Variants in INPP5D observed in about 807,000 individuals in gnomAD.
The protein encoded by INPP5D is inositol polyphosphate-5-phosphatase D, also known as phosphatidylinositol 3,4,5-trisphosphate 5-phosphatase 1.
Under a neutral mutation model 122.9 loss-of-function variants are expected in INPP5D, and 33 were observed. The observed-to-expected ratio is 0.27, with a 90% CI of 0.20 to 0.36. The LOEUF (loss-of-function observed/expected upper bound fraction) is 0.36. Ranked by LOEUF, INPP5D falls within the 10% of genes least tolerant of loss-of-function variation. INPP5D has a pLI of 1.00. For missense variants in INPP5D, 1,053 were observed against 1,412.7 expected, an observed-to-expected ratio of 0.75 and a Z score of 4.08; for synonymous variants, 584 against 576.2, an observed-to-expected ratio of 1.01 and a Z score of -0.19.
intron 2 of INPP5D, among the ~76,000 whole-genome samples, chr2:233,084,219 A>G (rs1359044832): frequency 1.3e-5 from 2 of 152,086 alleles, no homozygotes; most frequent in Admixed American, 6.5e-5. Context: ...ATGCCCAGCT[A>G]AATTTTGTAT....
Position 233,126,024 on chromosome 2 carries a change from G to A in INPP5D, c.524+105G>A. 5 of 1,120,828 alleles carry A rather than the reference G, an allele frequency of 4.5e-6. No homozygotes were observed. The South Asian group carries it at 4.7e-5, about 11-fold the overall frequency. 69.4% of individuals were successfully genotyped at this position (1,120,828 alleles called of 1,614,324 possible). A position where few individuals can be genotyped will look rare whatever the true frequency, so the allele number is the denominator to read the frequency against. ...ATCCTAGTTATGGGCCTGGTGACCA[G>A]AGGGAGATGGGGAGGTCTCCAGAGA... On this transcript the variant is annotated intron_variant, in intron 4 of 26. Transcript: ENST00000445964.
At chr2:233,114,605 C>T (rs952353458) in intron 2 of INPP5D, among the ~76,000 whole-genome samples, 1 of 152,166 alleles carries the variant, frequency 6.6e-6, no homozygotes, top group Non-Finnish European at 1.5e-5. Flanking sequence ...AGCCTTGGGA[C>T]GTGTGGATGC....
intron 5 of INPP5D, among the ~76,000 whole-genome samples, chr2:233,135,580 C>T (rs11684313): frequency 0.47 from 71,277 of 150,674 alleles, 17,281 homozygotes; most frequent in African/African-American, 0.55. Context: ...AAATTGTCGA[C>T]ATTTAAAATG....
intron 2 of INPP5D, among the ~76,000 whole-genome samples, chr2:233,102,502 A>G (rs1303923557): frequency 1.3e-5 from 2 of 152,242 alleles, no homozygotes; most frequent in African/African-American, 4.8e-5. Context: ...AATTCAGCTC[A>G]AATCAGAGAA....
At position 233,182,456 on chromosome 2, in the gene INPP5D, C is replaced by T. The variant is rs1694809337; in HGVS notation, c.2118C>T (p.Ala706=). ...CGAGTGACCACAGCCCTGTCTTTGC[C>T]ACATTTGAGGCAGGAGTCACTTCCC... The part of the protein sequence containing the change: ...IMTSDHSPVF[A]TFEAGVTSQF... The change falls in exon 19 of 27, where the codon GCC becomes GCT. Residue 706 remains alanine (A), a synonymous_variant. Coordinates refer to ENST00000445964, the MANE Select transcript of INPP5D (RefSeq NM_001017915.3). The T allele has an allele frequency of 6.2e-7, 1 of 1,613,750 alleles. No individual in the cohort carries two copies. The highest frequency in any genetic ancestry group is 8.5e-7 in the Non-Finnish European group (1 of 1,179,746).
At chr2:233,070,721 G>A (rs527407593) in intron 1 of INPP5D, among the ~76,000 whole-genome samples, 9 of 152,208 alleles carry the variant, frequency 5.9e-5, no homozygotes, top group African/African-American at 1.2e-4. Flanking sequence ...GATTACAGGC[G>A]TGAGCCACCG....
At chr2:233,121,079 G>A (rs1692955686) in intron 2 of INPP5D, among the ~76,000 whole-genome samples, 1 of 150,218 alleles carries the variant, frequency 6.7e-6, no homozygotes, top group African/African-American at 2.4e-5. Flanking sequence ...GTATCTTGGG[G>A]TTGTGGGATT....
Position 233,197,390 on chromosome 2 carries a change from A to G in INPP5D, c.2694-705A>G, listed in dbSNP as rs1559347018. Among the ~76,000 whole-genome samples, 1 of 152,040 alleles carries G rather than the reference A, an allele frequency of 6.6e-6. No homozygotes were observed. The highest frequency in any genetic ancestry group is 1.5e-5 in the Non-Finnish European group (1 of 67,988). On this transcript the variant is annotated intron_variant, in intron 24 of 26. Coordinates refer to ENST00000445964, the MANE Select transcript of INPP5D (RefSeq NM_001017915.3). This position sits in a 1 kb window ranked among gnomAD's most constrained non-coding sequence, Gnocchi z 4.4. ...TCTCTATGCTGACGCTGCACACACAAATGTGTGAGCTGATGTGTTCCAGAG... is the reference window on the plus strand; with the variant it reads ...TCTCTATGCTGACGCTGCACACACAGATGTGTGAGCTGATGTGTTCCAGAG...
intron 2 of INPP5D, among the ~76,000 whole-genome samples, chr2:233,113,962 G>C (rs1044387603): frequency 2.1e-5 from 3 of 142,724 alleles, no homozygotes; most frequent in Non-Finnish European, 3.0e-5. Flanking sequence ...GCTGGATGGA[G>C]TGCAGTGGCG....
chr2:233,122,029 C>G (rs1692997550), intron 2 of INPP5D, 78 bp from the exon 3 acceptor site: 2 of 1,542,704 alleles, frequency 1.3e-6, no homozygotes, highest in African/African-American at 2.7e-5. Context: ...TCGCTGGTCT[C>G]TGCTGCAGTT....
chr2:233,104,556 G>T (rs1024054925), intron 2 of INPP5D, among the ~76,000 whole-genome samples: 1 of 152,114 alleles, frequency 6.6e-6, no homozygotes, highest in Non-Finnish European at 1.5e-5. Flanking sequence ...TGAAGCCATG[G>T]GGGGTAGGCT....
chr2:233,122,492 G>C (rs1693018332), intron 3 of INPP5D, among the ~76,000 whole-genome samples: 1 of 152,162 alleles, frequency 6.6e-6, no homozygotes, highest in African/African-American at 2.4e-5. Flanking sequence ...CTGAATCACA[G>C]ACTTCTCTTT....
chr2:233,128,900 G>T lies in INPP5D; in HGVS notation c.525-1608G>T, dbSNP rs1028401016. On this transcript the variant is annotated intron_variant, in intron 4 of 26. Transcript: ENST00000445964. The surrounding 1 kb of genome is among the most constrained non-coding windows in gnomAD (Gnocchi z 4.5). ...GCCTGGAATAAAAATCTTTAAGGCG[G>T]CTGGGCAGGGTGGTTCACACCTGTT... Among the ~76,000 whole-genome samples the T allele has an allele frequency of 6.6e-6, 1 of 152,188 alleles. No homozygotes were observed. Among genetic ancestry groups the T allele is most frequent in the Non-Finnish European group, 1.5e-5 (1 of 68,042 alleles).
rs187092929 is a variant in INPP5D, at chr2:233,176,169, C to T, written c.1990-1096C>T. Among the ~76,000 whole-genome samples the T allele has an allele frequency of 7.1e-4, 108 of 152,344 alleles. 2 individuals carry two copies. The South Asian group carries it at 0.02, about 28-fold the overall frequency. On this transcript the variant is annotated intron_variant, in intron 17 of 26. Coordinates refer to ENST00000445964, the MANE Select transcript of INPP5D (RefSeq NM_001017915.3). ...GGTTGTTATTGCCAGTTTACCTTGT[C>T]TATCCCACCTAATGGACATCTTGCT...
chr2:233,200,961 A>AAAATAAAT (rs150813540), intron 25 of INPP5D, among the ~76,000 whole-genome samples: 4,531 of 141,812 alleles, frequency 0.032, 91 homozygotes, highest in Non-Finnish European at 0.038. Flanking sequence ...ACTCCATCTC[A>AAAATAAAT]AAATAAATAA....
At chr2:233,171,312 G>T in intron 17 of INPP5D, 160 bp downstream of exon 17, 1 of 1,143,648 alleles carries the variant, frequency 8.7e-7, no homozygotes. Context: ...GAGTAAATGG[G>T]AAGCCACACT....
chr2:233,169,972 G>C (rs759855893), intron 14 of INPP5D, 54 bp from the exon 15 acceptor site: 20 of 1,611,324 alleles, frequency 1.2e-5, no homozygotes, highest in Non-Finnish European at 1.7e-5. Context: ...TCCTGCCACA[G>C]TGGAGGGGGA....
chr2:233,071,287 C>T (rs1691378802), intron 1 of INPP5D, among the ~76,000 whole-genome samples: 1 of 150,260 alleles, frequency 6.7e-6, no homozygotes, highest in Admixed American at 6.6e-5. Context: ...TGAGTCTCTG[C>T]CTCAAAAAAA....
rs978488403 is a variant in INPP5D, at chr2:233,204,728, C to T, written c.3567+11C>T. On this transcript the variant is annotated intron_variant, in intron 26 of 26. Transcript: ENST00000445964. ...AGGACTGCCATGCAGGTGCGCTGCG[C>T]CACACGTGGGTTCGTGTGCATTTGT... 6.7e-6 allele frequency: 10 copies of T among 1,487,118 alleles called. No individual in the cohort carries two copies. In the African/African-American group the frequency reaches 1.3e-4, roughly 19 times the overall value. 92.1% of individuals were successfully genotyped at this position (1,487,118 alleles called of 1,614,324 possible).
Sources: allele counts gnomAD v4.1 joint callset (sites outside exome capture counted in the v4.1 genomes callset), GRCh38; gene constraint gnomAD v4.1.1; non-coding constraint Gnocchi (gnomAD v3.1); transcripts MANE v1.5; gene names NCBI Gene and HGNC (gene_info 2026-07-23, HGNC 2026-07-21).